The following IVNS1ABP variants were observed in gnomAD, a reference collection of about 807,000 sequenced individuals.
The protein encoded by IVNS1ABP is influenza virus NS1A-binding protein.
Under a neutral mutation model 78.9 loss-of-function variants are expected in IVNS1ABP, and 25 were observed. The ratio of observed to expected loss-of-function variants is 0.32; its 90% CI spans 0.23 to 0.44. IVNS1ABP has a LOEUF of 0.44. Among genes scored for constraint, IVNS1ABP ranks in the 20% least tolerant of loss-of-function variants. The pLI, the probability that IVNS1ABP is intolerant of heterozygous loss-of-function variation, is 1.00. For synonymous variants in IVNS1ABP, 241 were observed against 259.7 expected (o/e 0.93, Z 0.69); for missense variants, 494 against 768.9 (o/e 0.64, Z 4.23).
chr1:185,299,362 C>T (rs1665506055), intron 14 of IVNS1ABP: 1 of 286,492 alleles, frequency 3.5e-6, no homozygotes, highest in South Asian at 4.4e-5. Flanking sequence ...TAGGGATTTG[C>T]CTTTGTTTTG....
chr1:185,300,018 G>A lies in IVNS1ABP; in HGVS notation c.1482C>T (p.Ser494=). The A allele has an allele frequency of 6.2e-7, 1 of 1,612,776 alleles. No individual in the cohort carries two copies. The highest frequency in any genetic ancestry group is 8.5e-7 in the Non-Finnish European group (1 of 1,179,586). The part of the protein sequence containing the change: ...VFDPVTKLWT[S]CAPLNIRRHQ... The stretch of plus-strand genomic sequence containing the variant: ...ACTTACGAATGTTAAGAGGGGCACA[G>A]CTTGTCCACAACTTTGTTACAGGAT... Residue 494 remains serine (S), a synonymous_variant, in exon 13 of 15, where the codon AGC becomes AGT. Coordinates refer to ENST00000367498, the MANE Select transcript of IVNS1ABP (RefSeq NM_006469.5).
intron 1 of IVNS1ABP, among the ~76,000 whole-genome samples, chr1:185,312,455 A>C (rs1014641694): frequency 1.6e-4 from 25 of 152,190 alleles, no homozygotes; most frequent in African/African-American, 4.6e-4. Context: ...TCTAAATCTA[A>C]CAATTACGTC....
intron 8 of IVNS1ABP, among the ~76,000 whole-genome samples, chr1:185,304,490 G>C (rs1665685589): frequency 6.6e-6 from 1 of 152,116 alleles, no homozygotes; most frequent in East Asian, 1.9e-4. Context: ...CTGATAATTT[G>C]TAACCATATA....
At chr1:185,306,983 A>T in intron 7 of IVNS1ABP, 31 bp downstream of exon 7, 1 of 1,605,578 alleles carries the variant, frequency 6.2e-7, no homozygotes, top group Non-Finnish European at 8.5e-7. Context: ...ATTTTTAAAA[A>T]TGGTTGAATC....
At position 185,298,149 on chromosome 1, in the gene IVNS1ABP, C is replaced by T. The variant is rs34405206; in HGVS notation, c.1815G>A (p.Gly605=). 521 of 1,613,872 alleles carry T rather than the reference C, an allele frequency of 3.2e-4. 2 individuals carry two copies. In the African/African-American group the frequency reaches 6.6e-3, roughly 20 times the overall value. ...ATCCTCCCACTGCATAAATGGTGTTCCCTACAGTTGCAATCCCAGCATTGC... is the reference window on the plus strand; with the variant it reads ...ATCCTCCCACTGCATAAATGGTGTTTCCTACAGTTGCAATCCCAGCATTGC... ...PRSNAGIATV[G]NTIYAVGGFD... is the part of the protein sequence containing the mutation. The change falls in exon 15 of 15, where the codon GGG becomes GGA. Residue 605 remains glycine, a synonymous_variant. Coordinates refer to ENST00000367498, the MANE Select transcript of IVNS1ABP (RefSeq NM_006469.5). The surrounding 1 kb of genome is among the most constrained non-coding windows in gnomAD (Gnocchi z 4.1).
In IVNS1ABP at chr1:185,297,603, T is replaced by C. The variant is rs1665452496; in HGVS notation, c.*432A>G. Reference sequence around the variant, plus strand: ...TGTCATCTATTTAAATAAGTATCCTTTGTTATAGAGTGTTCCAGTTATTGA... The same window carrying C: ...TGTCATCTATTTAAATAAGTATCCTCTGTTATAGAGTGTTCCAGTTATTGA... On this transcript the variant is annotated 3_prime_UTR_variant, in exon 15 of 15. Coordinates refer to ENST00000367498, the MANE Select transcript of IVNS1ABP (RefSeq NM_006469.5). 6.3e-6 allele frequency: 1 copy of C among 159,464 alleles called. No individual in the cohort carries two copies. The highest frequency in any genetic ancestry group is 1.4e-5 in the Non-Finnish European group (1 of 72,664). The allele number at this position is 159,464 out of a possible 1,614,324, so 9.9% of individuals were successfully genotyped here.
At chr1:185,307,800 G>C in intron 5 of IVNS1ABP, 138 bp from the exon 6 acceptor site, 1 of 1,162,408 alleles carries the variant, frequency 8.6e-7, no homozygotes, top group Non-Finnish European at 1.2e-6. Context: ...GTTAATAGTG[G>C]TAATAACACG....
intron 8 of IVNS1ABP, among the ~76,000 whole-genome samples, chr1:185,304,514 T>G (rs1205786644): frequency 1.3e-5 from 2 of 152,158 alleles, no homozygotes; most frequent in Non-Finnish European, 2.9e-5. Context: ...TACTACTAAG[T>G]CTACCACTTA....
At chr1:185,316,469 G>T (rs1051251482) in intron 1 of IVNS1ABP, among the ~76,000 whole-genome samples, 15 of 152,116 alleles carry the variant, frequency 9.9e-5, no homozygotes, top group African/African-American at 3.6e-4. Flanking sequence ...CACACGAGCC[G>T]AGTCTCGAGA....
intron 14 of IVNS1ABP, chr1:185,299,162 G>A (rs984438956): frequency 6.3e-6 from 1 of 157,796 alleles, no homozygotes; most frequent in East Asian, 1.8e-4. Context: ...GCCTGCTAAG[G>A]TTCAGCCTGG....
At chr1:185,300,155 CAT>C (rs1184159479) in intron 12 of IVNS1ABP, 25 bp from the exon 13 acceptor site, 3 of 1,606,268 alleles carry the variant, frequency 1.9e-6, no homozygotes, top group Non-Finnish European at 2.6e-6. Context: ...AATAAAGTTA[CAT>C]ATTGATAATT....
chr1:185,300,731 T>G (rs1419408471), intron 10 of IVNS1ABP, 173 bp from the exon 11 acceptor site: 1 of 728,830 alleles, frequency 1.4e-6, no homozygotes, highest in Non-Finnish European at 2.2e-6. Flanking sequence ...AATCGCATTA[T>G]CAGTACAAAT....
chr1:185,301,766 G>A lies in IVNS1ABP; in HGVS notation c.766-203C>T, dbSNP rs74409584. 519 of 442,302 alleles carry A rather than the reference G, an allele frequency of 1.2e-3. 11 individuals carry two copies. In the East Asian group the frequency reaches 0.018, roughly 15 times the overall value. The allele number at this position is 442,302 out of a possible 1,614,324, so 27.4% of individuals were successfully genotyped here. A position where few individuals can be genotyped will look rare whatever the true frequency, so the allele number is the denominator to read the frequency against. ...CTCCACTCAATGATGAGACAACTACGCCTACACAATTAGCCTAGGTAAGAA... is the reference window on the plus strand; with the variant it reads ...CTCCACTCAATGATGAGACAACTACACCTACACAATTAGCCTAGGTAAGAA... On this transcript the variant is annotated intron_variant, in intron 8 of 14. Coordinates refer to ENST00000367498, the MANE Select transcript of IVNS1ABP (RefSeq NM_006469.5).
chr1:185,306,827 G>GA, intron 7 of IVNS1ABP, 187 bp downstream of exon 7: 1 of 740,446 alleles, frequency 1.4e-6, no homozygotes, highest in Non-Finnish European at 2.1e-6. Flanking sequence ...AAGAAAAGCA[G>GA]AAGACCAAAC....
At position 185,298,203 on chromosome 1, in the gene IVNS1ABP, C is replaced by G; in HGVS notation, c.1761G>C (p.Lys587Asn). Residue 587 changes from lysine to asparagine, a missense_variant, in exon 15 of 15, where the codon AAG becomes AAC. By Grantham distance (94) the Lys-to-Asn change is moderately conservative. Coordinates refer to ENST00000367498, the MANE Select transcript of IVNS1ABP (RefSeq NM_006469.5). This position sits in a 1 kb window ranked among gnomAD's most constrained non-coding sequence, Gnocchi z 4.1. The part of the protein sequence containing the change: ...EMYDPTRNEW[K>N]MMGNMTSPRS... ...TTGGTGAAGTCATATTTCCCATCAT[C>G]TTCCATTCATTTCTAGTTGGATCAT... The G allele has an allele frequency of 6.2e-7, 1 of 1,613,810 alleles. No individual in the cohort carries two copies. The highest frequency in any genetic ancestry group is 8.5e-7 in the Non-Finnish European group (1 of 1,179,822).
intron 11 of IVNS1ABP, 45 bp from the exon 12 acceptor site, chr1:185,300,388 A>T (rs1665542500): frequency 6.2e-7 from 1 of 1,613,306 alleles, no homozygotes; most frequent in Non-Finnish European, 8.5e-7. Flanking sequence ...TCCTGAAGTT[A>T]CGAGGAAAAA....
chr1:185,302,053 A>G (rs1210724232), intron 8 of IVNS1ABP, among the ~76,000 whole-genome samples: 1 of 152,158 alleles, frequency 6.6e-6, no homozygotes, highest in Non-Finnish European at 1.5e-5. Context: ...AGTTTCTCTG[A>G]AAGTACTTGA....
At chr1:185,316,766 C>CG in intron 1 of IVNS1ABP, among the ~76,000 whole-genome samples, 187 bp downstream of exon 1, 1 of 152,188 alleles carries the variant, frequency 6.6e-6, no homozygotes, top group East Asian at 1.9e-4. Flanking sequence ...CGCTGGAGCG[C>CG]GGGCCCAGCG....
intron 1 of IVNS1ABP, among the ~76,000 whole-genome samples, chr1:185,315,241 T>C (rs1665984794): frequency 6.6e-6 from 1 of 152,234 alleles, no homozygotes. Context: ...AACATTTATA[T>C]TTAAAAACGT....
Sources: allele counts gnomAD v4.1 joint callset (sites outside exome capture counted in the v4.1 genomes callset), GRCh38; gene constraint gnomAD v4.1.1; non-coding constraint Gnocchi (gnomAD v3.1); transcripts MANE v1.5; gene names NCBI Gene and HGNC (gene_info 2026-07-23, HGNC 2026-07-21).